Variants in DLC1 observed in about 807,000 individuals in gnomAD.
The protein encoded by DLC1 is rho GTPase-activating protein 7.
A neutral mutation model predicts 140.3 loss-of-function variants in DLC1; 54 were observed. That is an observed-to-expected ratio of 0.38 (90% CI 0.31 to 0.48). DLC1 has a LOEUF of 0.48. Among genes scored for constraint, DLC1 ranks in the 20% least tolerant of loss-of-function variants. DLC1 has a pLI of 0.96. For missense variants in DLC1, 2,536 were observed against 1,907.0 expected (o/e 1.33, Z -6.14); for synonymous variants, 986 against 728.1 (o/e 1.35, Z -5.70).
At chr8:13,312,386 A>AAAAAAAAAAAAAAATAATAAT (rs71207139) in intron 4 of DLC1, among the ~76,000 whole-genome samples, 34 of 81,704 alleles carry the variant, frequency 4.2e-4, no homozygotes, top group African/African-American at 5.4e-4. Flanking sequence ...AAAAAAAAAA[A>AAAAAAAAAAAAAAATAATAAT]AATAATTTCT....
In DLC1 at chr8:13,204,670, T is replaced by C. The variant is rs200970924; in HGVS notation, c.1349-89013A>G. Among the ~76,000 whole-genome samples the C allele has an allele frequency of 4.3e-4, 65 of 152,318 alleles. 1 individual carries two copies. In the East Asian group the frequency reaches 8.5e-3, roughly 20 times the overall value. On this transcript the variant is annotated intron_variant, in intron 5 of 17. Transcript: ENST00000276297. ...ATACTTTACAAATAAAATAAATCAT[T>C]GGCAAATAAAATGCTGTATTTTAAT...
At chr8:13,335,649 G>C (rs925818674) in intron 4 of DLC1, among the ~76,000 whole-genome samples, 1 of 152,102 alleles carries the variant, frequency 6.6e-6, no homozygotes, top group African/African-American at 2.4e-5. Flanking sequence ...TCCTTCATAA[G>C]AGTAGATCTC....
At chr8:13,178,351 A>G (rs1183653988) in intron 5 of DLC1, among the ~76,000 whole-genome samples, 2 of 152,100 alleles carry the variant, frequency 1.3e-5, no homozygotes, top group African/African-American at 4.8e-5. Context: ...TCACGAGGTC[A>G]GGAGATCAAG....
At chr8:13,431,865 G>C (rs528679167) in intron 2 of DLC1, among the ~76,000 whole-genome samples, 1 of 152,168 alleles carries the variant, frequency 6.6e-6, no homozygotes, top group African/African-American at 2.4e-5. Context: ...GACATAAAAA[G>C]ATTCAGGACA....
intron 4 of DLC1, among the ~76,000 whole-genome samples, chr8:13,362,466 A>C (rs1028393411): frequency 3.3e-5 from 5 of 152,186 alleles, no homozygotes; most frequent in African/African-American, 1.2e-4. Flanking sequence ...ATTTTGAGGC[A>C]GTGCCTGGAA....
intron 4 of DLC1, among the ~76,000 whole-genome samples, chr8:13,378,962 C>T (rs546547641): frequency 6.6e-6 from 1 of 152,042 alleles, no homozygotes; most frequent in South Asian, 2.1e-4. Context: ...ATAATGTTAA[C>T]AGTAATGAAA....
In DLC1 at chr8:13,500,176, T is replaced by C. The variant is rs1366005198; in HGVS notation, c.-105A>G. On this transcript the variant is annotated 5_prime_UTR_variant, in exon 2 of 18. Transcript: ENST00000276297. ...CAAAATCACCAATCAAAGAAGCGAA[T>C]GAGTTCTGTCATTTCACCACCTATT... 6 of 1,068,240 alleles carry C rather than the reference T, an allele frequency of 5.6e-6. No homozygotes were observed. The Admixed American group carries it at 1.2e-4, about 21-fold the overall frequency. The allele number at this position is 1,068,240 out of a possible 1,614,324, so 66.2% of individuals were successfully genotyped here. A position where few individuals can be genotyped will look rare whatever the true frequency, so the allele number is the denominator to read the frequency against.
chr8:13,555,195 C>G (rs959913906), intron 1 of DLC1, among the ~76,000 whole-genome samples: 2 of 152,240 alleles, frequency 1.3e-5, no homozygotes, highest in African/African-American at 4.8e-5. Context: ...CTCCTCAGAA[C>G]TCCATTGAAC....
intron 1 of DLC1, among the ~76,000 whole-genome samples, chr8:13,504,029 C>T (rs1368601901): frequency 1.3e-5 from 2 of 151,864 alleles, no homozygotes; most frequent in South Asian, 2.1e-4. Context: ...GAAAAGATAG[C>T]AGAGGTAACA....
At position 13,587,191 on chromosome 8, in the gene DLC1, TA is replaced by T. The variant is rs5889461; in HGVS notation, c.-126+17345del. Among the ~76,000 whole-genome samples the T allele has an allele frequency of 2.0e-3, 309 of 151,724 alleles. 6 individuals are homozygous for T. Among genetic ancestry groups the T allele is most frequent in the Admixed American group, 0.017 (265 of 15,236 alleles). On this transcript the variant is annotated intron_variant, in intron 1 of 1. Coordinates refer to the DLC1 transcript ENST00000631382. ...CAGATGCACATTTTATTAGAATAGA[TA>T]AAATTTTGTGAGTGGCCATTAGATG...
At chr8:13,174,254 C>G (rs1825644065) in intron 5 of DLC1, among the ~76,000 whole-genome samples, 1 of 152,180 alleles carries the variant, frequency 6.6e-6, no homozygotes, top group African/African-American at 2.4e-5. Flanking sequence ...TTTTCTTTAT[C>G]CAACCCACTG....
At chr8:13,101,100 G>A (rs925252823) in intron 8 of DLC1, among the ~76,000 whole-genome samples, 1 of 152,040 alleles carries the variant, frequency 6.6e-6, no homozygotes, top group Non-Finnish European at 1.5e-5. Flanking sequence ...GTAGAGAGCA[G>A]TAGTCTTACT....
intron 5 of DLC1, among the ~76,000 whole-genome samples, chr8:13,225,083 GA>G (rs1363868154): frequency 6.6e-6 from 1 of 152,220 alleles, no homozygotes; most frequent in Non-Finnish European, 1.5e-5. Context: ...CAACTCATTA[GA>G]GGATGTTTGA....
intron 2 of DLC1, among the ~76,000 whole-genome samples, chr8:13,434,834 C>T (rs1585101764): frequency 6.6e-6 from 1 of 152,134 alleles, no homozygotes; most frequent in Admixed American, 6.5e-5. Flanking sequence ...CCTGCTCCAA[C>T]ACACCTGGCG....
chr8:13,500,795 A>G (rs1801777671), intron 1 of DLC1, among the ~76,000 whole-genome samples: 1 of 144,924 alleles, frequency 6.9e-6, no homozygotes, highest in Non-Finnish European at 1.5e-5. Context: ...CACAGAATGC[A>G]TGGATTAGAA....
chr8:13,254,863 A>G (rs1830153672), intron 5 of DLC1, among the ~76,000 whole-genome samples: 1 of 152,226 alleles, frequency 6.6e-6, no homozygotes, highest in Non-Finnish European at 1.5e-5. Flanking sequence ...CAGAAGGCAC[A>G]ATAGTGATGG....
intron 5 of DLC1, among the ~76,000 whole-genome samples, chr8:13,161,941 TA>T (rs1824737365): frequency 1.3e-5 from 2 of 152,206 alleles, no homozygotes; most frequent in Non-Finnish European, 2.9e-5. Flanking sequence ...AAAATATAGG[TA>T]GAGGCTTTTG....
chr8:13,416,331 G>A (rs1346537340), intron 2 of DLC1, among the ~76,000 whole-genome samples: 2 of 152,020 alleles, frequency 1.3e-5, no homozygotes, highest in African/African-American at 4.8e-5. Context: ...ACCTAATACT[G>A]AAAACAAAAG....
intron 1 of DLC1, among the ~76,000 whole-genome samples, chr8:13,504,143 T>TTTTTTA (rs1801945918): frequency 6.7e-6 from 1 of 149,584 alleles, no homozygotes; most frequent in African/African-American, 2.5e-5. Context: ...TTTTTTTTTT[T>TTTTTTA]AAGACAGAGT....
Sources: gnomAD v4.1 joint callset for allele counts (sites outside exome capture counted in the v4.1 genomes callset) on GRCh38, gnomAD v4.1.1 for gene constraint, MANE v1.5 for transcripts, NCBI Gene and HGNC (gene_info 2026-07-23, HGNC 2026-07-21) for gene names.